The following OR8B3 variants were observed in gnomAD, a reference collection of about 807,000 sequenced individuals.
OR8B3 encodes the protein olfactory receptor 8B3.
For synonymous variants in OR8B3, 102 were observed against 135.4 expected (o/e 0.75, Z 1.71); for missense variants, 278 against 377.6 (o/e 0.74, Z 2.19).
chr11:124,396,704 A>G lies in OR8B3; in HGVS notation c.648T>C (p.Ile216=). ...NIMVPSCTIL[I]SYVFIVTSIL... ...TGCTAGTGACAATGAAAACATAAGA[A>G]ATGAGGATGGTACAACTGGGTACCA... The change falls in exon 2 of 2, where the codon ATT becomes ATC. Residue 216 remains isoleucine (I), a synonymous_variant. Coordinates refer to ENST00000641139, the MANE Select transcript of OR8B3 (RefSeq NM_001005467.2). 6.2e-7 allele frequency: 1 copy of G among 1,613,910 alleles called. No homozygotes were observed. The highest frequency in any genetic ancestry group is 8.5e-7 in the Non-Finnish European group (1 of 1,179,858).
Position 124,397,175 on chromosome 11 carries a change from C to T in OR8B3, c.177G>A (p.Met59Ile), listed in dbSNP as rs1860899129. The T allele has an allele frequency of 8.1e-6, 13 of 1,612,182 alleles. No homozygotes were observed. Among genetic ancestry groups the T allele is most frequent in the Non-Finnish European group, 1.1e-5 (13 of 1,179,692 alleles). The change falls in exon 2 of 2, where the codon ATG becomes ATA. Residue 59 changes from methionine to isoleucine, a missense_variant. Transcript: ENST00000641139. The part of the protein sequence containing the change: ...FGLNSHLHTP[M>I]YYFLFNLSFI... ...AGGAGAGATTGAAGAGGAAATAGTA[C>T]ATTGGTGTGTGGAGGTGAGAATTTA... is the stretch of plus-strand genomic sequence containing the variant.
Position 124,396,636 on chromosome 11 carries a change from C to T in OR8B3, c.716G>A (p.Ser239Asn). 2 of 1,611,668 alleles carry T rather than the reference C, an allele frequency of 1.2e-6. No homozygotes were observed. Among genetic ancestry groups the T allele is most frequent in the South Asian group, 2.2e-5 (2 of 90,624 alleles). ...KSTQGRSKAF[S>N]TCSSHVIALS... ...AGCAATGACATGAGAGCTACAAGTA[C>T]TGAAGGCTTTTGATCTTCCTTGAGT... Residue 239 changes from serine to asparagine, a missense_variant, in exon 2 of 2, where the codon AGT becomes AAT. By Grantham distance (46) the Ser-to-Asn change is conservative. Coordinates refer to ENST00000641139, the MANE Select transcript of OR8B3 (RefSeq NM_001005467.2).
At chr11:124,400,878 T>C (rs376563529), upstream of OR8B3, among the ~76,000 whole-genome samples, 5 of 152,210 alleles carry the variant, frequency 3.3e-5, no homozygotes, top group Admixed American at 2.6e-4. Context: ...ATTTTAAAAT[T>C]TCTATAATTT....
At chr11:124,409,501 TTTCTTCTGTTGC>T in the OR8B3 span, among the ~76,000 whole-genome samples, 334 of 152,378 alleles carry the variant, frequency 2.2e-3, 1 homozygote, top group Non-Finnish European at 4.0e-3. Flanking sequence ...CAATTCTCAG[TTTCTTCTGTTGC>T]TTCTTCAATT....
intron 1 of OR8B3, among the ~76,000 whole-genome samples, chr11:124,397,699 CTT>C (rs753969066): frequency 7.1e-5 from 10 of 141,824 alleles, no homozygotes; most frequent in Admixed American, 7.1e-5. Flanking sequence ...TTCCTAGTTT[CTT>C]TTTTTTTTTT....
At chr11:124,403,357 G>A (rs1210967754), upstream of OR8B3, among the ~76,000 whole-genome samples, 8 of 151,812 alleles carry the variant, frequency 5.3e-5, no homozygotes, top group Non-Finnish European at 8.8e-5. Flanking sequence ...CCTCCCAGAC[G>A]GGGCGGCTGC....
rs1358605246 is a variant in OR8B3, at chr11:124,396,190, T to A, written c.*220A>T. On this transcript the variant is annotated 3_prime_UTR_variant, in exon 2 of 2. Coordinates refer to ENST00000641139, the MANE Select transcript of OR8B3 (RefSeq NM_001005467.2). The stretch of plus-strand genomic sequence containing the variant: ...ATAATGAAAAATATCAGTGCATATG[T>A]TCCTTTTACAAAGATGCCATGACCT... The A allele has an allele frequency of 3.9e-6, 2 of 510,394 alleles. No homozygotes were observed. Among genetic ancestry groups the A allele is most frequent in the Middle Eastern group, 5.2e-4 (1 of 1,940 alleles). 31.6% of individuals were successfully genotyped at this position (510,394 alleles called of 1,614,324 possible).
chr11:124,396,212 A>G lies in OR8B3; in HGVS notation c.*198T>C, dbSNP rs1325188611. 13 of 555,456 alleles carry G rather than the reference A, an allele frequency of 2.3e-5. No homozygotes were observed. The highest frequency in any genetic ancestry group is 4.7e-4 in the Middle Eastern group (1 of 2,122). The allele number at this position is 555,456 out of a possible 1,614,324, so 34.4% of individuals were successfully genotyped here. ...ATGTTCCTTTTACAAAGATGCCATG[A>G]CCTATTTAGTAAAATTGTGAGAAGT... is the stretch of plus-strand genomic sequence containing the variant. On this transcript the variant is annotated 3_prime_UTR_variant, in exon 2 of 2. Transcript: ENST00000641139.
At position 124,396,942 on chromosome 11, in the gene OR8B3, G is replaced by A; in HGVS notation, c.410C>T (p.Ser137Phe). 1 of 1,610,438 alleles carries A rather than the reference G, an allele frequency of 6.2e-7. No individual in the cohort carries two copies. Among genetic ancestry groups the A allele is most frequent in the Non-Finnish European group, 8.5e-7 (1 of 1,178,202 alleles). Reference protein sequence around the residue: ...CNPLLYKVTMSHQVCSMLTFA... With the variant: ...CNPLLYKVTMFHQVCSMLTFA... ...AGTGAGCATAGAACAGACCTGATGG[G>A]ACATGGTGACCTTATACAGCAATGG... Residue 137 changes from serine (S) to phenylalanine (F), a missense_variant, in exon 2 of 2, where the codon TCC becomes TTC. By Grantham distance (155) the Ser-to-Phe change is radical. Transcript: ENST00000641139.
At chr11:124,406,859 A>G in the OR8B3 span, among the ~76,000 whole-genome samples, 1 of 151,964 alleles carries the variant, frequency 6.6e-6, no homozygotes, top group Admixed American at 6.6e-5. Context: ...TATGGCTTAT[A>G]ATAATTATAA....
chr11:124,408,443 T>C, the OR8B3 span, among the ~76,000 whole-genome samples: 3 of 152,248 alleles, frequency 2.0e-5, no homozygotes, highest in African/African-American at 7.2e-5. Context: ...CATTCTCTCC[T>C]GTCCTATTTT....
rs768516024 is a variant in OR8B3, at chr11:124,396,777, G to A, written c.575C>T (p.Thr192Ile). ...GAGAACAACCACCTCGTTGACATAG[G>A]TGCTGGTGCAGGAAAGCTGGAGGAG... ...LPLLQLSCTS[T>I]YVNEVVVLIV... Residue 192 changes from threonine (T) to isoleucine (I), a missense_variant, in exon 2 of 2, where the codon ACC becomes ATC. Physicochemically the swap from Thr to Ile is moderately conservative, Grantham distance 89. Transcript: ENST00000641139. 2.8e-5 allele frequency: 45 copies of A among 1,613,488 alleles called. No homozygotes were observed. The Admixed American group carries it at 2.8e-4, about 10-fold the overall frequency.
chr11:124,404,457 TATAA>T, the OR8B3 span: 1 of 152,092 alleles, frequency 6.6e-6, no homozygotes, highest in Non-Finnish European at 1.5e-5. Flanking sequence ...TGATTTGTGA[TATAA>T]ATAACTTATT....
rs1258784433 is a variant in OR8B3 at position 124,396,539 on chromosome 11, T to G, written c.813A>C (p.Lys271Asn). ...KYSSGSMEQG[K>N]VSSVFYTNVV... ...CATTAGTGTAGAAAACAGAAGAAAC[T>G]TTTCCCTGCTCCATAGATCCAGAAG... Residue 271 changes from lysine (K) to asparagine (N), a missense_variant, in exon 2 of 2, where the codon AAA (lysine) becomes AAC (asparagine). Lys to Asn is a moderately conservative substitution (Grantham distance 94, BLOSUM62 0). Transcript: ENST00000641139. 7.4e-6 allele frequency: 12 copies of G among 1,613,876 alleles called. No individual in the cohort carries two copies. The highest frequency in any genetic ancestry group is 1.0e-5 in the Non-Finnish European group (12 of 1,179,934).
chr11:124,399,984 C>T (rs930226824), upstream of OR8B3, among the ~76,000 whole-genome samples: 3 of 151,994 alleles, frequency 2.0e-5, no homozygotes, highest in Non-Finnish European at 2.9e-5. Context: ...CCTCAGCCTC[C>T]CAAGTAGCTG....
chr11:124,400,955 A>G (rs1210908169), upstream of OR8B3, among the ~76,000 whole-genome samples: 1 of 152,166 alleles, frequency 6.6e-6, no homozygotes, highest in Non-Finnish European at 1.5e-5. Context: ...TTTCTTTTGG[A>G]ACATAAATTC....
Position 124,396,294 on chromosome 11 carries a change from G to T in OR8B3, c.*116C>A. 1.1e-6 allele frequency: 1 copy of T among 933,578 alleles called. No individual in the cohort carries two copies. Among genetic ancestry groups the T allele is most frequent in the Non-Finnish European group, 1.6e-6 (1 of 644,922 alleles). 57.8% of individuals were successfully genotyped at this position (933,578 alleles called of 1,614,324 possible). A position where few individuals can be genotyped will look rare whatever the true frequency, so the allele number is the denominator to read the frequency against. Reference sequence around the variant, plus strand: ...GATGATTTCATAAGAGAAATGATAAGACAAGTTTATTAAATCACACATAAC... The same window carrying T: ...GATGATTTCATAAGAGAAATGATAATACAAGTTTATTAAATCACACATAAC... On this transcript the variant is annotated 3_prime_UTR_variant, in exon 2 of 2. Transcript: ENST00000641139.
upstream of OR8B3, among the ~76,000 whole-genome samples, chr11:124,403,623 C>T (rs1267691447): frequency 1.3e-5 from 2 of 151,660 alleles, no homozygotes; most frequent in Non-Finnish European, 2.9e-5. Context: ...CTCCTCACTT[C>T]CCAGACTGGG....
At chr11:124,409,663 A>G in the OR8B3 span, among the ~76,000 whole-genome samples, 1 of 152,228 alleles carries the variant, frequency 6.6e-6, no homozygotes, top group Non-Finnish European at 1.5e-5. Context: ...TGGAGTTTAG[A>G]TCTCAAGGAT....
Sources: allele counts gnomAD v4.1 joint callset (sites outside exome capture counted in the v4.1 genomes callset), GRCh38; gene constraint gnomAD v4.1.1; transcripts MANE v1.5; gene names NCBI Gene and HGNC (gene_info 2026-07-23, HGNC 2026-07-21).